The following PCLO variants were observed in gnomAD, a reference collection of about 807,000 sequenced individuals.
PCLO encodes piccolo presynaptic cytomatrix protein, also known as protein piccolo.
PCLO carries 82 observed loss-of-function variants against 427.5 expected under a neutral mutation model. That is an observed-to-expected ratio of 0.19 (90% CI 0.16 to 0.23). The LOEUF (loss-of-function observed/expected upper bound fraction) is 0.23, where lower values mean the gene tolerates loss of function less well. Among genes scored for constraint, PCLO ranks in the 10% least tolerant of loss-of-function variants. The probability of loss-of-function intolerance (pLI) is 1.00; values close to 1 mark genes in which losing one functional copy is unlikely to be tolerated. For missense variants in PCLO, 6,239 were observed against 6,115.9 expected, an observed-to-expected ratio of 1.02 and a Z score of -0.67; for synonymous variants, 2,357 against 2,155.4, an observed-to-expected ratio of 1.09 and a Z score of -2.59.
chr7:82,796,128 T>A (rs1163623231), intron 22 of PCLO, among the ~76,000 whole-genome samples: 2 of 152,224 alleles, frequency 1.3e-5, no homozygotes, highest in Admixed American at 1.3e-4. Context: ...TTAATTCATT[T>A]AACTTTTTAG....
At chr7:82,774,717 T>C (rs538587068) in intron 22 of PCLO, among the ~76,000 whole-genome samples, 1 of 152,316 alleles carries the variant, frequency 6.6e-6, no homozygotes, top group South Asian at 2.1e-4. Context: ...GTTCATTTGT[T>C]ACAATTGATA....
intron 16 of PCLO, among the ~76,000 whole-genome samples, chr7:82,829,610 A>G (rs936138789): frequency 6.6e-6 from 1 of 152,162 alleles, no homozygotes; most frequent in Admixed American, 6.5e-5. Flanking sequence ...ACAGACAATG[A>G]TTTAAAGAAA....
At chr7:82,762,328 G>A (rs1478635184) in intron 22 of PCLO, among the ~76,000 whole-genome samples, 1 of 152,004 alleles carries the variant, frequency 6.6e-6, no homozygotes, top group African/African-American at 2.4e-5. Flanking sequence ...CAGAGAGAAG[G>A]AACAGTGTGT....
intron 6 of PCLO, among the ~76,000 whole-genome samples, chr7:82,924,521 C>A (rs1794668983): frequency 1.3e-5 from 2 of 152,024 alleles, no homozygotes; most frequent in African/African-American, 2.4e-5. Flanking sequence ...CTATAAAAAT[C>A]TTGAAAAATT....
chr7:82,835,674 T>C lies in PCLO; in HGVS notation c.14242A>G (p.Asn4748Asp). 1 of 1,609,834 alleles carries C rather than the reference T, an allele frequency of 6.2e-7. No individual in the cohort carries two copies. The highest frequency in any genetic ancestry group is 8.5e-7 in the Non-Finnish European group (1 of 1,177,804). The change falls in exon 16 of 25, where the codon AAT (asparagine) becomes GAT (aspartate). Residue 4748 changes from asparagine (N) to aspartate (D), a missense_variant. Transcript: ENST00000333891. ...PGRGQVMVVQNASAEYKRRTK... is the reference protein window; with the variant it reads ...PGRGQVMVVQDASAEYKRRTK... ...AAAGAGAAACAACTCTACCTTGCATTCTGGACAACCATGACTTGACTGCAT... is the reference window on the plus strand; with the variant it reads ...AAAGAGAAACAACTCTACCTTGCATCCTGGACAACCATGACTTGACTGCAT...
At chr7:82,834,640 C>T (rs570220659) in intron 16 of PCLO, among the ~76,000 whole-genome samples, 18 of 151,970 alleles carry the variant, frequency 1.2e-4, no homozygotes, top group Non-Finnish European at 2.4e-4. Flanking sequence ...ACATGATTTG[C>T]CTTCCCAACT....
chr7:82,832,943 G>A (rs576310867), intron 16 of PCLO, among the ~76,000 whole-genome samples: 1 of 152,094 alleles, frequency 6.6e-6, no homozygotes, highest in Admixed American at 6.6e-5. Flanking sequence ...GCGATGGTGT[G>A]CTTATTGTCT....
At chr7:82,923,286 T>TGAA (rs1794639402) in intron 6 of PCLO, among the ~76,000 whole-genome samples, 1 of 151,992 alleles carries the variant, frequency 6.6e-6, no homozygotes, top group South Asian at 2.1e-4. Flanking sequence ...AAGGATAATC[T>TGAA]GGTTTCATTT....
At chr7:83,080,148 T>A (rs1234921612) in intron 3 of PCLO, among the ~76,000 whole-genome samples, 4 of 152,218 alleles carry the variant, frequency 2.6e-5, no homozygotes, top group Non-Finnish European at 5.9e-5. Flanking sequence ...TGATTCCTTG[T>A]CTTTGCTACT....
rs772110095 is a variant in PCLO at position 82,955,610 on chromosome 7, C to T, written c.5343G>A (p.Glu1781=). 8.1e-6 allele frequency: 13 copies of T among 1,613,668 alleles called. No homozygotes were observed. In the Admixed American group the frequency reaches 8.3e-5, roughly 10 times the overall value. The change falls in exon 5 of 25, where the codon GAG becomes GAA. Residue 1781 remains glutamate (E), a synonymous_variant. Coordinates refer to ENST00000333891, the MANE Select transcript of PCLO (RefSeq NM_033026.6). The part of the protein sequence containing the change: ...EDSSEEEELR[E]EEELLKEQEK... ...CTTGCTCCTTTAATAATTCTTCTTC[C>T]TCTCTCAATTCTTCTTCCTCTGAAG...
At position 82,915,257 on chromosome 7, in the gene PCLO, A is replaced by C. The variant is rs779899950; in HGVS notation, c.12729T>G (p.Phe4243Leu). ...GGTCTGTAATATTTTTTCTGAGGCC[A>C]AAAGTGATGTCATCTTGAAGGAGCC... is the stretch of plus-strand genomic sequence containing the variant. Reference protein sequence around the residue: ...RARLLQDDITFGLRKNITDQQ... With the variant: ...RARLLQDDITLGLRKNITDQQ... The change falls in exon 7 of 25, where the codon TTT (phenylalanine) becomes TTG (leucine). Residue 4243 changes from phenylalanine to leucine, a missense_variant. Phe to Leu is a conservative substitution (Grantham distance 22). Coordinates refer to ENST00000333891, the MANE Select transcript of PCLO (RefSeq NM_033026.6). 7 of 1,613,422 alleles carry C rather than the reference A, an allele frequency of 4.3e-6. No homozygotes were observed. Among genetic ancestry groups the C allele is most frequent in the Non-Finnish European group, 5.9e-6 (7 of 1,179,716 alleles).
intron 2 of PCLO, among the ~76,000 whole-genome samples, chr7:83,145,995 T>C (rs1295749889): frequency 6.6e-6 from 1 of 152,196 alleles, no homozygotes; most frequent in Non-Finnish European, 1.5e-5. Flanking sequence ...GAACTCTGAT[T>C]TTCTTAATCT....
chr7:82,784,056 T>G (rs2129468207), intron 22 of PCLO, among the ~76,000 whole-genome samples: 1 of 152,318 alleles, frequency 6.6e-6, no homozygotes, highest in South Asian at 2.1e-4. Flanking sequence ...CTTTCCTGAA[T>G]AATTGCAACA....
At position 82,849,313 on chromosome 7, in the gene PCLO, G is replaced by A. The variant is rs556563948; in HGVS notation, c.13655-2066C>T. On this transcript the variant is annotated intron_variant, in intron 10 of 24. Coordinates refer to ENST00000333891, the MANE Select transcript of PCLO (RefSeq NM_033026.6). ...AAATTATACAGATAACTAGGGTCTC[G>A]CCTGGATATACACCTGACACCATAA... Among the ~76,000 whole-genome samples, 11 of 152,100 alleles carry A rather than the reference G, an allele frequency of 7.2e-5. No homozygotes were observed. In the East Asian group the frequency reaches 1.5e-3, roughly 21 times the overall value.
At chr7:82,866,182 C>T (rs1793087871) in intron 10 of PCLO, among the ~76,000 whole-genome samples, 1 of 152,096 alleles carries the variant, frequency 6.6e-6, no homozygotes. Flanking sequence ...TCTTTCCCCT[C>T]CTTGGTGGCT....
intron 22 of PCLO, among the ~76,000 whole-genome samples, chr7:82,776,957 C>T (rs1790767763): frequency 6.6e-6 from 1 of 151,240 alleles, no homozygotes; most frequent in Admixed American, 6.6e-5. Context: ...TATATAAAAC[C>T]TTGCTTCTCC....
intron 10 of PCLO, among the ~76,000 whole-genome samples, chr7:82,855,614 C>T (rs117410274): frequency 9.9e-5 from 15 of 152,084 alleles, no homozygotes; most frequent in South Asian, 2.1e-4. Flanking sequence ...CATTATTGAA[C>T]GAAGAGAAAG....
At chr7:82,902,393 A>G (rs1456919005) in intron 9 of PCLO, among the ~76,000 whole-genome samples, 1 of 151,556 alleles carries the variant, frequency 6.6e-6, no homozygotes, top group East Asian at 2.0e-4. Context: ...ACATGGACAC[A>G]GGGCGGGGAA....
chr7:82,835,166 G>C (rs950387487), intron 16 of PCLO, among the ~76,000 whole-genome samples: 1 of 151,940 alleles, frequency 6.6e-6, no homozygotes, highest in Admixed American at 6.6e-5. Flanking sequence ...GGATGGTCTC[G>C]ATCTCCTGAC....
Sources: gnomAD v4.1 joint callset for allele counts (sites outside exome capture counted in the v4.1 genomes callset) on GRCh38, gnomAD v4.1.1 for gene constraint, MANE v1.5 for transcripts, NCBI Gene and HGNC (gene_info 2026-07-23, HGNC 2026-07-21) for gene names.